Variants in ANK3 observed in about 807,000 individuals in gnomAD.
ANK3 encodes ankyrin 3.
ANK3 carries 57 observed loss-of-function variants against 370.9 expected under a neutral mutation model. That is an observed-to-expected ratio of 0.15 (90% CI 0.12 to 0.19). The LOEUF is 0.19. Among genes scored for constraint, ANK3 ranks in the 10% least tolerant of loss-of-function variants. The pLI, the probability that ANK3 is intolerant of heterozygous loss-of-function variation, is 1.00. For missense variants in ANK3, 4,439 were observed against 5,302.1 expected (o/e 0.84, Z 5.06); for synonymous variants, 1,929 against 1,946.3 (o/e 0.99, Z 0.23).
intron 1 of ANK3, among the ~76,000 whole-genome samples, chr10:60,633,757 A>G (rs1837945): frequency 0.68 from 102,861 of 151,996 alleles, 34,948 homozygotes; most frequent in South Asian, 0.82. Flanking sequence ...TGGTAAAGGA[A>G]ATCATTGGCA....
At chr10:60,593,335 C>G (rs2077942838) in intron 2 of ANK3, among the ~76,000 whole-genome samples, 1 of 152,042 alleles carries the variant, frequency 6.6e-6, no homozygotes, top group Non-Finnish European at 1.5e-5. Context: ...TTGTTTTAAT[C>G]AAAACATACA....
At chr10:60,168,668 G>C (rs1310398350) in intron 21 of ANK3, among the ~76,000 whole-genome samples, 1 of 152,062 alleles carries the variant, frequency 6.6e-6, no homozygotes, top group East Asian at 1.9e-4. Flanking sequence ...ATTAAGCCTC[G>C]CATGCATGAG....
intron 2 of ANK3, among the ~76,000 whole-genome samples, chr10:60,550,458 G>C (rs182211462): frequency 1.9e-4 from 29 of 151,834 alleles, no homozygotes; most frequent in Non-Finnish European, 2.9e-5. Flanking sequence ...TTTTAAAAGA[G>C]TATAGAAAAG....
At chr10:60,376,367 T>A (rs943777750) in intron 1 of ANK3, among the ~76,000 whole-genome samples, 75 of 152,180 alleles carry the variant, frequency 4.9e-4, no homozygotes, top group African/African-American at 1.7e-3. Context: ...TACCCTCCTT[T>A]CCTGTGCCAC....
At chr10:60,055,599 A>T in intron 42 of ANK3, 59 bp downstream of exon 42, 1 of 1,521,280 alleles carries the variant, frequency 6.6e-7, no homozygotes, top group Non-Finnish European at 8.8e-7. Flanking sequence ...CAATCCAAAG[A>T]AGTAAAGCAC....
intron 2 of ANK3, among the ~76,000 whole-genome samples, chr10:60,526,589 T>C (rs905220154): frequency 2.6e-5 from 4 of 152,104 alleles, no homozygotes; most frequent in Non-Finnish European, 5.9e-5. Flanking sequence ...GGCATTGTGG[T>C]AGGAATATAT....
Position 60,186,739 on chromosome 10 carries a change from A to G in ANK3, c.2061T>C (p.Asn687=), listed in dbSNP as rs772921398. ...VDMVSLLLGR[N]ANVNLSNKSG... ...CCTTATTGCTCAGGTTCACATTCGC[A>G]TTTCTACCGAGGAGCAGCGACACCA... Residue 687 remains asparagine (N), a synonymous_variant, in exon 17 of 44, where the codon AAT becomes AAC. Coordinates refer to ENST00000280772, the MANE Select transcript of ANK3 (RefSeq NM_020987.5). 3.1e-6 allele frequency: 5 copies of G among 1,613,998 alleles called. No homozygotes were observed. In the East Asian group the frequency reaches 6.7e-5, roughly 22 times the overall value.
chr10:60,581,086 G>A (rs2077744562), intron 2 of ANK3, among the ~76,000 whole-genome samples: 1 of 152,192 alleles, frequency 6.6e-6, no homozygotes, highest in Non-Finnish European at 1.5e-5. Flanking sequence ...CCAGCACAGG[G>A]CCTGGTACAG....
At chr10:60,695,912 T>G (rs2079441418) in intron 1 of ANK3, among the ~76,000 whole-genome samples, 1 of 150,034 alleles carries the variant, frequency 6.7e-6, no homozygotes, top group Non-Finnish European at 1.5e-5. Context: ...AGAGCAGAAC[T>G]GAAGGAAATA....
At chr10:60,234,283 A>T (rs1338436161) in intron 8 of ANK3, among the ~76,000 whole-genome samples, 1 of 151,906 alleles carries the variant, frequency 6.6e-6, no homozygotes, top group Non-Finnish European at 1.5e-5. Context: ...TCTATTTTTA[A>T]TTTTTTTTGA....
intron 1 of ANK3, among the ~76,000 whole-genome samples, chr10:60,280,252 G>T (rs958573148): frequency 3.3e-5 from 5 of 152,018 alleles, no homozygotes; most frequent in African/African-American, 1.2e-4. Flanking sequence ...TAGAGACGGG[G>T]TCTCACTATG....
chr10:60,684,884 T>C, intron 1 of ANK3: 1 of 1,489,450 alleles, frequency 6.7e-7, no homozygotes, highest in South Asian at 1.2e-5. Context: ...AATCAAGGAG[T>C]CCCTGTACTT....
intron 23 of ANK3, among the ~76,000 whole-genome samples, chr10:60,143,163 G>A (rs115963070): frequency 0.011 from 1,616 of 151,800 alleles, 35 homozygotes; most frequent in African/African-American, 0.037. Context: ...AATTACAGCA[G>A]TAAAATGTCC....
intron 2 of ANK3, among the ~76,000 whole-genome samples, chr10:60,406,288 A>G (rs2063454484): frequency 6.6e-6 from 1 of 152,198 alleles, no homozygotes; most frequent in Admixed American, 6.5e-5. Flanking sequence ...GGCAGGCACT[A>G]GATTTGGGTC....
Position 60,108,972 on chromosome 10 carries a change from G to A in ANK3, c.3031C>T (p.Pro1011Ser). The A allele has an allele frequency of 6.2e-7, 1 of 1,614,034 alleles. No homozygotes were observed. Among genetic ancestry groups the A allele is most frequent in the Non-Finnish European group, 8.5e-7 (1 of 1,179,974 alleles). ...CGAGTGGGGGCCGTACACTTGCGTG[G>A]AGGAATGATGATTCTCATCCCGTGA... ...RHHGMRIIIP[P>S]RKCTAPTRIT... The change falls in exon 27 of 44, where the codon CCA (proline) becomes TCA (serine). Residue 1011 changes from proline to serine, a missense_variant. By Grantham distance (74) the Pro-to-Ser change is moderately conservative (BLOSUM62 -1). Transcript: ENST00000280772.
chr10:60,395,626 C>CTTTCTTTCTT (rs60896139), intron 2 of ANK3, among the ~76,000 whole-genome samples: 1 of 71,222 alleles, frequency 1.4e-5, no homozygotes, highest in African/African-American at 5.6e-5. Context: ...CGTTCTCTCT[C>CTTTCTTTCTT]TCTCTCTCTC....
chr10:60,079,919 C>T (rs528524544), intron 36 of ANK3, among the ~76,000 whole-genome samples: 11 of 151,912 alleles, frequency 7.2e-5, no homozygotes, highest in South Asian at 2.1e-4. Context: ...TGAACCAAAA[C>T]GATCATTGAG....
chr10:60,370,753 T>C (rs1368726002), intron 1 of ANK3, among the ~76,000 whole-genome samples: 2 of 152,216 alleles, frequency 1.3e-5, no homozygotes, highest in African/African-American at 4.8e-5. Context: ...AGGTTTCTAA[T>C]TCATCAGCTT....
chr10:60,263,505 T>C (rs1490626835), intron 6 of ANK3, among the ~76,000 whole-genome samples: 1 of 152,170 alleles, frequency 6.6e-6, no homozygotes, highest in Non-Finnish European at 1.5e-5. Flanking sequence ...CTTCAGTATT[T>C]TGTAATTTTT....
Sources: allele counts gnomAD v4.1 joint callset (sites outside exome capture counted in the v4.1 genomes callset), GRCh38; gene constraint gnomAD v4.1.1; transcripts MANE v1.5; gene names NCBI Gene and HGNC (gene_info 2026-07-23, HGNC 2026-07-21).